NAPB: variants seen among roughly 807,000 people sequenced by gnomAD.
NAPB encodes the protein beta-soluble NSF attachment protein.
NAPB carries 26 observed loss-of-function variants against 44.7 expected under a neutral mutation model. The observed-to-expected ratio is 0.58, with a 90% confidence interval of 0.43 to 0.81. The LOEUF is 0.81. NAPB is among the 30% of genes least tolerant of loss of function. NAPB has a pLI of 0.00. For missense variants in NAPB, 315 were observed against 356.4 expected, an observed-to-expected ratio of 0.88 and a Z score of 0.94; for synonymous variants, 120 against 116.8, an observed-to-expected ratio of 1.03 and a Z score of -0.18.
intron 7 of NAPB, among the ~76,000 whole-genome samples, chr20:23,386,307 A>T (rs1414994528): frequency 6.6e-6 from 1 of 152,208 alleles, no homozygotes; most frequent in Non-Finnish European, 1.5e-5. Context: ...ATAACAATAA[A>T]AACAGAAATC....
chr20:23,418,404 G>C (rs1488241916), intron 1 of NAPB, among the ~76,000 whole-genome samples: 2 of 152,086 alleles, frequency 1.3e-5, no homozygotes, highest in Non-Finnish European at 2.9e-5. Context: ...CTATAAGGTA[G>C]GATTCTAAAC....
At position 23,381,330 on chromosome 20, in the gene NAPB, C is replaced by G. The variant is rs374048837; in HGVS notation, c.562-13G>C. On this transcript the variant is annotated splice_polypyrimidine_tract_variant and intron_variant, in intron 7 of 10. Coordinates refer to ENST00000377026, the MANE Select transcript of NAPB (RefSeq NM_022080.3). The stretch of plus-strand genomic sequence containing the variant: ...TGTTTGCCCCAACCTAGGCACAGAA[C>G]GCAGAGTTAAATTTAAAAGATTTAC... 3.3e-6 allele frequency: 5 copies of G among 1,512,202 alleles called. No individual in the cohort carries two copies. The highest frequency in any genetic ancestry group is 1.8e-4 in the Middle Eastern group (1 of 5,658). 93.7% of individuals were successfully genotyped at this position (1,512,202 alleles called of 1,614,324 possible).
intron 1 of NAPB, among the ~76,000 whole-genome samples, chr20:23,407,550 C>T (rs1486105495): frequency 1.3e-5 from 2 of 152,052 alleles, no homozygotes; most frequent in Non-Finnish European, 2.9e-5. Context: ...TGCCACCTGG[C>T]TGGCCCAGGT....
chr20:23,396,823 G>C, intron 3 of NAPB: 1 of 256,474 alleles, frequency 3.9e-6, no homozygotes, highest in South Asian at 1.7e-4. Context: ...ATATAAATAA[G>C]AGTTTAATTA....
intron 2 of NAPB, among the ~76,000 whole-genome samples, chr20:23,397,434 G>A (rs952312278): frequency 6.6e-5 from 10 of 152,206 alleles, no homozygotes; most frequent in African/African-American, 2.2e-4. Context: ...TGGGCACTAA[G>A]CCACTATTCC....
chr20:23,408,125 T>C (rs1331621951), intron 1 of NAPB, among the ~76,000 whole-genome samples: 3 of 152,140 alleles, frequency 2.0e-5, no homozygotes, highest in Non-Finnish European at 4.4e-5. Flanking sequence ...AAGATAAGCA[T>C]GTAGAACCAG....
Position 23,400,901 on chromosome 20 carries a change from CA to C in NAPB, c.178+2091del, listed in dbSNP as rs374023436. ...AGGTTTACTTTCTAATGAGAATCAC[CA>C]TATAATAAAAACATGTAAATATAAA... On this transcript the variant is annotated intron_variant, in intron 2 of 10. Transcript: ENST00000377026. 2.6e-3 allele frequency among the ~76,000 whole-genome samples: 393 copies of C among 151,630 alleles called. 1 individual carries two copies. The highest frequency in any genetic ancestry group is 8.7e-3 in the African/African-American group (358 of 41,308).
At chr20:23,405,323 GAGAGAAAGAAAGAA>G (rs1985164742) in intron 1 of NAPB, among the ~76,000 whole-genome samples, 1 of 139,524 alleles carries the variant, frequency 7.2e-6, no homozygotes, top group South Asian at 2.3e-4. Flanking sequence ...AAGAGAGAGA[GAGAGAAAGAAAGAA>G]AGAGAATGAA....
intron 2 of NAPB, among the ~76,000 whole-genome samples, chr20:23,397,693 C>T (rs1362335599): frequency 6.6e-6 from 1 of 152,182 alleles, no homozygotes; most frequent in Non-Finnish European, 1.5e-5. Flanking sequence ...ATCAGGCCCA[C>T]AATTTTGAAA....
chr20:23,393,754 A>AG (rs551141356), intron 5 of NAPB, among the ~76,000 whole-genome samples: 221 of 152,292 alleles, frequency 1.5e-3, no homozygotes, highest in African/African-American at 5.2e-3. Context: ...TAAATTAACT[A>AG]GGGGGTCATA....
At chr20:23,378,505 G>C (rs1246671573) in intron 10 of NAPB, among the ~76,000 whole-genome samples, 1 of 150,314 alleles carries the variant, frequency 6.7e-6, no homozygotes, top group African/African-American at 2.4e-5. Flanking sequence ...GCAATGGCGT[G>C]ATCTTGGCTC....
chr20:23,378,796 A>G (rs897884108), intron 10 of NAPB: 6 of 147,126 alleles, frequency 4.1e-5, no homozygotes, highest in African/African-American at 1.5e-4. Flanking sequence ...CTTAGTTTTT[A>G]TATTTTAAAT....
intron 1 of NAPB, among the ~76,000 whole-genome samples, chr20:23,410,419 T>A (rs942171356): frequency 6.6e-6 from 1 of 152,164 alleles, no homozygotes; most frequent in African/African-American, 2.4e-5. Flanking sequence ...AGAAAGAAGA[T>A]CCTAAGTGAA....
rs749256959 is a variant in NAPB, at chr20:23,390,163, C to T, written c.476+46G>A. On this transcript the variant is annotated intron_variant, in intron 6 of 10. Transcript: ENST00000377026. ...AGTATAAAGAAGTATTTTTTTATCA[C>T]ACATAATAAAACCCATTAAATCATA... The T allele has an allele frequency of 3.3e-6, 5 of 1,535,292 alleles. No individual in the cohort carries two copies. In the African/African-American group the frequency reaches 5.5e-5, roughly 17 times the overall value.
intron 1 of NAPB, among the ~76,000 whole-genome samples, chr20:23,413,235 A>G (rs751177063): frequency 5.9e-5 from 9 of 152,194 alleles, no homozygotes; most frequent in Non-Finnish European, 1.2e-4. Context: ...TAATGAAAAA[A>G]AAAAAGTTTA....
chr20:23,406,960 T>C (rs940250242), intron 1 of NAPB, among the ~76,000 whole-genome samples: 1 of 152,272 alleles, frequency 6.6e-6, no homozygotes, highest in Non-Finnish European at 1.5e-5. Flanking sequence ...ATTTTCATTA[T>C]TACAACCATG....
chr20:23,402,529 T>A (rs751338925), intron 2 of NAPB, among the ~76,000 whole-genome samples: 9 of 152,196 alleles, frequency 5.9e-5, no homozygotes, highest in Non-Finnish European at 1.3e-4. Context: ...CAGTTCTCAG[T>A]GGAATCACAA....
chr20:23,405,128 C>T (rs750006830), intron 1 of NAPB, among the ~76,000 whole-genome samples: 10 of 151,678 alleles, frequency 6.6e-5, no homozygotes, highest in Non-Finnish European at 1.0e-4. Context: ...CATGGCGAAA[C>T]CCCATCTCCA....
rs562863614 is a variant in NAPB, at chr20:23,414,152, T to C, written c.98+7153A>G. The stretch of plus-strand genomic sequence containing the variant: ...GCCTAGCCAATATGGTGAAACCCCA[T>C]ATCTAATAAAAATACAAAAATTAGC... On this transcript the variant is annotated intron_variant, in intron 1 of 10. Coordinates refer to ENST00000377026, the MANE Select transcript of NAPB (RefSeq NM_022080.3). Among the ~76,000 whole-genome samples the C allele has an allele frequency of 2.2e-4, 34 of 152,186 alleles. No individual in the cohort carries two copies. The East Asian group carries it at 6.6e-3, about 29-fold the overall frequency.
Sources: gnomAD v4.1 joint callset for allele counts (sites outside exome capture counted in the v4.1 genomes callset) on GRCh38, gnomAD v4.1.1 for gene constraint, MANE v1.5 for transcripts, NCBI Gene and HGNC (gene_info 2026-07-23, HGNC 2026-07-21) for gene names.